Variants in KATNIP observed in about 807,000 individuals in gnomAD.
The protein encoded by KATNIP is katanin-interacting protein.
KATNIP carries 126 observed loss-of-function variants against 174.0 expected under a neutral mutation model. The observed-to-expected ratio is 0.72, with a 90% confidence interval of 0.63 to 0.84. The LOEUF (loss-of-function observed/expected upper bound fraction) is 0.84. Ranked by LOEUF, KATNIP falls within the 40% of genes least tolerant of loss-of-function variation. KATNIP has a pLI of 0.00. For synonymous variants in KATNIP, 810 were observed against 835.7 expected (o/e 0.97, Z 0.53); for missense variants, 1,958 against 2,109.7 (o/e 0.93, Z 1.41).
intron 23 of KATNIP, among the ~76,000 whole-genome samples, chr16:27,774,585 C>A (rs1296483774): frequency 1.3e-5 from 2 of 152,170 alleles, no homozygotes; most frequent in Non-Finnish European, 2.9e-5. Context: ...CAGCCACCGC[C>A]CCATTCCCTT....
intron 8 of KATNIP, among the ~76,000 whole-genome samples, chr16:27,695,568 C>T (rs1047102605): frequency 1.3e-5 from 2 of 152,210 alleles, no homozygotes; most frequent in African/African-American, 4.8e-5. Flanking sequence ...GTTTCCACAT[C>T]AAACTCTGTG....
intron 19 of KATNIP, among the ~76,000 whole-genome samples, chr16:27,762,527 C>T (rs2081988439): frequency 6.6e-6 from 1 of 152,080 alleles, no homozygotes; most frequent in African/African-American, 2.4e-5. Context: ...GGAACGCAGG[C>T]CTGTGGCATA....
rs1176122354 is a variant in KATNIP, at chr16:27,780,170, A to AT, written c.*1542dup. ...GCCCAGCTACTCCTTCCCAGCTGAG[A>AT]TGTGGGTACAGGTCAGATTTGTCAG... On this transcript the variant is annotated 3_prime_UTR_variant, in exon 28 of 28. Coordinates refer to ENST00000261588, the MANE Select transcript of KATNIP (RefSeq NM_015202.5). 1 of 152,158 alleles carries AT rather than the reference A, an allele frequency of 6.6e-6. No homozygotes were observed. Among genetic ancestry groups the AT allele is most frequent in the African/African-American group, 2.4e-5 (1 of 41,410 alleles). 9.4% of individuals were successfully genotyped at this position (152,158 alleles called of 1,614,324 possible).
At chr16:27,581,012 A>G (rs1349825535) in intron 2 of KATNIP, among the ~76,000 whole-genome samples, 2 of 151,852 alleles carry the variant, frequency 1.3e-5, no homozygotes, top group Non-Finnish European at 2.9e-5. Context: ...GGCTCACTTG[A>G]CCCCAGGAGT....
At chr16:27,606,217 C>T (rs990239433) in intron 2 of KATNIP, among the ~76,000 whole-genome samples, 9 of 152,304 alleles carry the variant, frequency 5.9e-5, no homozygotes, top group Non-Finnish European at 1.2e-4. Context: ...CTGGGACACA[C>T]AGACTCACTG....
At chr16:27,597,048 G>A (rs976798541) in intron 2 of KATNIP, among the ~76,000 whole-genome samples, 2 of 151,876 alleles carry the variant, frequency 1.3e-5, no homozygotes, top group African/African-American at 2.4e-5. Flanking sequence ...AAAATAATTA[G>A]CTGGTCATGA....
At chr16:27,663,436 G>GTTTA (rs1184967128) in intron 6 of KATNIP, among the ~76,000 whole-genome samples, 30 of 150,216 alleles carry the variant, frequency 2.0e-4, no homozygotes, top group Middle Eastern at 3.5e-3. Context: ...TTATTTATTT[G>GTTTA]TTTATTTATT....
chr16:27,588,671 G>C (rs977086435), intron 2 of KATNIP, among the ~76,000 whole-genome samples: 2 of 151,894 alleles, frequency 1.3e-5, no homozygotes, highest in African/African-American at 4.8e-5. Context: ...TATCATCATA[G>C]TGTAAGACCT....
intron 14 of KATNIP, among the ~76,000 whole-genome samples, chr16:27,726,865 C>T (rs944551003): frequency 6.6e-6 from 1 of 152,168 alleles, no homozygotes; most frequent in Non-Finnish European, 1.5e-5. Context: ...GTGGCTGGAG[C>T]ATGGGGAACA....
At chr16:27,671,755 CT>C (rs757488629) in intron 6 of KATNIP, among the ~76,000 whole-genome samples, 22 of 152,184 alleles carry the variant, frequency 1.4e-4, no homozygotes, top group Non-Finnish European at 2.5e-4. Flanking sequence ...CCATAGAGAT[CT>C]TTTAAAAGCA....
At chr16:27,639,310 A>G (rs1271851720) in intron 5 of KATNIP, among the ~76,000 whole-genome samples, 1 of 152,118 alleles carries the variant, frequency 6.6e-6, no homozygotes, top group Non-Finnish European at 1.5e-5. Context: ...TCCCTGTGGA[A>G]TGGGCTGGTG....
chr16:27,555,836 CAAA>C (rs1034115468), intron 1 of KATNIP, among the ~76,000 whole-genome samples: 1 of 121,500 alleles, frequency 8.2e-6, no homozygotes, highest in Non-Finnish European at 1.7e-5. Context: ...AACTCCGTCT[CAAA>C]AAAAAAAAAA....
At chr16:27,703,803 T>A in intron 11 of KATNIP, 93 bp from the exon 12 acceptor site, 1 of 962,924 alleles carries the variant, frequency 1.0e-6, no homozygotes, top group Non-Finnish European at 1.7e-6. Context: ...TTCAAATCAT[T>A]TCCTATCCCC....
Position 27,777,771 on chromosome 16 carries a change from G to T in KATNIP, c.4712+1G>T. ...ACCAGGAGAAACACACCACCATCAG[G>T]TAGGGCCCCAGCCGGCCCCATGGCC... On this transcript the variant is annotated splice_donor_variant, in intron 26 of 27. Coordinates refer to ENST00000261588, the MANE Select transcript of KATNIP (RefSeq NM_015202.5). LOFTEE classifies it high-confidence loss of function. This position sits in a 1 kb window ranked among gnomAD's most constrained non-coding sequence, Gnocchi z 4.4. The T allele has an allele frequency of 6.2e-7, 1 of 1,613,506 alleles. No homozygotes were observed. The highest frequency in any genetic ancestry group is 8.5e-7 in the Non-Finnish European group (1 of 1,179,650).
intron 2 of KATNIP, among the ~76,000 whole-genome samples, chr16:27,616,944 T>C (rs2076057970): frequency 7.1e-6 from 1 of 140,444 alleles, no homozygotes; most frequent in African/African-American, 2.7e-5. Flanking sequence ...AAAGAGTATA[T>C]ATGTGTTTAT....
At chr16:27,550,353 GGGGAGT>G (rs1165503664) in intron 1 of KATNIP, among the ~76,000 whole-genome samples, 176 bp downstream of exon 1, 1 of 152,186 alleles carries the variant, frequency 6.6e-6, no homozygotes, top group Admixed American at 6.5e-5. Flanking sequence ...GGAGAGCCTG[GGGGAGT>G]GGTCAGTGCT....
At chr16:27,646,483 C>T (rs1416220997) in intron 5 of KATNIP, among the ~76,000 whole-genome samples, 2 of 152,166 alleles carry the variant, frequency 1.3e-5, no homozygotes, top group East Asian at 1.9e-4. Flanking sequence ...CACCATGGGG[C>T]CACATGTGGA....
chr16:27,575,116 T>C (rs2090452818), intron 2 of KATNIP, among the ~76,000 whole-genome samples: 1 of 152,162 alleles, frequency 6.6e-6, no homozygotes, highest in East Asian at 1.9e-4. Flanking sequence ...TACAATACAG[T>C]GTGAGAAGTG....
chr16:27,600,919 G>A (rs1220638556), intron 2 of KATNIP, among the ~76,000 whole-genome samples: 1 of 151,962 alleles, frequency 6.6e-6, no homozygotes, highest in Non-Finnish European at 1.5e-5. Context: ...TTTTAGTAGA[G>A]ACAGGGTTTC....
Sources: gnomAD v4.1 joint callset for allele counts (sites outside exome capture counted in the v4.1 genomes callset) on GRCh38, gnomAD v4.1.1 for gene constraint, Gnocchi (gnomAD v3.1) non-coding constraint, MANE v1.5 for transcripts, NCBI Gene and HGNC (gene_info 2026-07-23, HGNC 2026-07-21) for gene names.